CDK14: variants seen among roughly 807,000 people sequenced by gnomAD.
CDK14 encodes the protein cyclin dependent kinase 14.
A neutral mutation model predicts 60.7 loss-of-function variants in CDK14; 34 were observed. The observed-to-expected ratio is 0.56, with a 90% CI of 0.43 to 0.75. The LOEUF is 0.75. Among genes scored for constraint, CDK14 ranks in the 30% least tolerant of loss-of-function variants. CDK14 has a pLI of 0.00. For synonymous variants in CDK14, 197 were observed against 203.7 expected, an observed-to-expected ratio of 0.97 and a Z score of 0.28; for missense variants, 482 against 564.1, an observed-to-expected ratio of 0.85 and a Z score of 1.47.
chr7:91,070,422 G>A (rs570107219), intron 11 of CDK14, among the ~76,000 whole-genome samples: 2 of 152,126 alleles, frequency 1.3e-5, no homozygotes, highest in Non-Finnish European at 2.9e-5. Flanking sequence ...AGAATCCTTA[G>A]CACATATTAG....
chr7:90,808,466 G>A (rs935338006), intron 5 of CDK14, among the ~76,000 whole-genome samples: 2 of 152,156 alleles, frequency 1.3e-5, no homozygotes, highest in African/African-American at 2.4e-5. Context: ...CCTGAAGGAA[G>A]CACTAAACAT....
In CDK14 at chr7:90,827,610, A is replaced by G. The variant is rs539945090; in HGVS notation, c.545-35565A>G. Among the ~76,000 whole-genome samples, 11 of 152,328 alleles carry G rather than the reference A, an allele frequency of 7.2e-5. 2 individuals carry two copies. The highest frequency in any genetic ancestry group is 1.2e-4 in the African/African-American group (5 of 41,582). ...AAGTATGGGTCCTGCAGAAACGCCA[A>G]CCTGTCTTCTGCCAGTGGGTAAATG... On this transcript the variant is annotated intron_variant, in intron 5 of 14. Coordinates refer to ENST00000380050, the MANE Select transcript of CDK14 (RefSeq NM_001287135.2).
At chr7:90,688,705 C>A (rs1801492369) in intron 2 of CDK14, among the ~76,000 whole-genome samples, 1 of 152,062 alleles carries the variant, frequency 6.6e-6, no homozygotes, top group Non-Finnish European at 1.5e-5. Context: ...TACTTAGTGA[C>A]CTAGTGGGAG....
At chr7:90,941,489 G>C (rs1037170771) in intron 8 of CDK14, among the ~76,000 whole-genome samples, 6 of 152,134 alleles carry the variant, frequency 3.9e-5, no homozygotes, top group Non-Finnish European at 7.3e-5. Flanking sequence ...TCCTGCAGGA[G>C]AGCAAGACAG....
In CDK14 at chr7:91,062,135, T is replaced by A. The variant is rs112084303; in HGVS notation, c.1105+16175T>A. Among the ~76,000 whole-genome samples the A allele has an allele frequency of 8.1e-3, 1,233 of 152,188 alleles. 19 individuals carry two copies. Among genetic ancestry groups the A allele is most frequent in the African/African-American group, 0.027 (1,137 of 41,542 alleles). ...TCCCCCAGCCTCGCTGCCACCTTGC[T>A]GTTTGATTTCAGACTGCTGTGCTAG... On this transcript the variant is annotated intron_variant, in intron 11 of 14. Coordinates refer to ENST00000380050, the MANE Select transcript of CDK14 (RefSeq NM_001287135.2).
intron 12 of CDK14, among the ~76,000 whole-genome samples, chr7:91,101,429 G>A (rs1389281633): frequency 1.3e-5 from 2 of 152,154 alleles, no homozygotes; most frequent in Non-Finnish European, 2.9e-5. Context: ...TGACCATTAT[G>A]GGAATGAGTG....
At chr7:90,702,690 G>A (rs965423629) in intron 2 of CDK14, among the ~76,000 whole-genome samples, 2 of 151,782 alleles carry the variant, frequency 1.3e-5, no homozygotes, top group Admixed American at 1.3e-4. Context: ...TTTCCCAAGG[G>A]CCTGCTTCCT....
chr7:90,804,154 C>T (rs756098745), intron 5 of CDK14, among the ~76,000 whole-genome samples: 15 of 152,302 alleles, frequency 9.8e-5, no homozygotes, highest in Non-Finnish European at 1.8e-4. Flanking sequence ...GCTCCATAAG[C>T]GAGGAGCTGG....
intron 11 of CDK14, among the ~76,000 whole-genome samples, chr7:91,067,740 C>T (rs1798021272): frequency 6.6e-6 from 1 of 152,166 alleles, no homozygotes; most frequent in Non-Finnish European, 1.5e-5. Flanking sequence ...CTCTTTTGTG[C>T]ACAGCTAAAA....
intron 5 of CDK14, among the ~76,000 whole-genome samples, chr7:90,806,680 C>G (rs1241831430): frequency 1.3e-5 from 2 of 152,204 alleles, no homozygotes; most frequent in African/African-American, 2.4e-5. Flanking sequence ...ATCGCCTCAC[C>G]TGGGAAGCAC....
At chr7:90,724,879 A>C (rs1316828871) in intron 2 of CDK14, among the ~76,000 whole-genome samples, 1 of 152,054 alleles carries the variant, frequency 6.6e-6, no homozygotes, top group East Asian at 1.9e-4. Flanking sequence ...CATGTCCTTA[A>C]GAAGAGCACA....
chr7:91,143,595 C>G (rs1424719501), intron 14 of CDK14, among the ~76,000 whole-genome samples: 2 of 152,004 alleles, frequency 1.3e-5, no homozygotes, highest in African/African-American at 2.4e-5. Flanking sequence ...GTAGTGCTCA[C>G]CTGTAGTCCC....
Position 91,118,177 on chromosome 7 carries a change from C to A in CDK14, c.1407C>A (p.His469Gln), listed in dbSNP as rs779484753. 28 of 1,597,984 alleles carry A rather than the reference C, an allele frequency of 1.8e-5. No individual in the cohort carries two copies. Among genetic ancestry groups the A allele is most frequent in the Non-Finnish European group, 2.1e-5 (25 of 1,165,918 alleles). Residue 469 changes from histidine to glutamine, a missense_variant, in exon 14 of 15, where the codon CAC (histidine) becomes CAA (glutamine). His to Gln is a conservative substitution (Grantham distance 24). Transcript: ENST00000380050. ...GCAAAAGTCTATCAAACAGCAAGCA[C>A]TGACAAGCAGCACATTCTCAAGAGC... is the stretch of plus-strand genomic sequence containing the variant. ...SYGKSLSNSKH is the reference protein window; with the variant it reads ...SYGKSLSNSKQ
intron 8 of CDK14, among the ~76,000 whole-genome samples, chr7:90,941,953 A>AGTT (rs1793950064): frequency 6.6e-6 from 1 of 152,196 alleles, no homozygotes; most frequent in African/African-American, 2.4e-5. Context: ...CATCTGCCCA[A>AGTT]GGGCAAAGCT....
chr7:90,832,238 C>G (rs1488440296), intron 5 of CDK14, among the ~76,000 whole-genome samples: 3 of 152,120 alleles, frequency 2.0e-5, no homozygotes, highest in Non-Finnish European at 4.4e-5. Context: ...ACTCCAGCAC[C>G]TAGAATAATT....
chr7:91,059,735 T>G (rs1170759994), intron 11 of CDK14, among the ~76,000 whole-genome samples: 2 of 152,242 alleles, frequency 1.3e-5, no homozygotes, highest in Non-Finnish European at 2.9e-5. Flanking sequence ...TTCTGAATCC[T>G]GAGTTCTAGT....
intron 9 of CDK14, among the ~76,000 whole-genome samples, chr7:90,965,665 A>T (rs537266308): frequency 3.9e-5 from 6 of 152,282 alleles, no homozygotes; most frequent in African/African-American, 1.4e-4. Context: ...TTCCTCCTTT[A>T]GGTGCATTAG....
In CDK14 at chr7:90,993,548, A is replaced by G. The variant is rs113890111; in HGVS notation, c.1041+9307A>G. Among the ~76,000 whole-genome samples, 339 of 152,166 alleles carry G rather than the reference A, an allele frequency of 2.2e-3. 1 individual carries two copies. The highest frequency in any genetic ancestry group is 7.6e-3 in the African/African-American group (315 of 41,522). On this transcript the variant is annotated intron_variant, in intron 10 of 14. Coordinates refer to ENST00000380050, the MANE Select transcript of CDK14 (RefSeq NM_001287135.2). ...GGGAAGGAAGGAGGGGGACATTTCA[A>G]TAAATGTTTTAGAGGAGAGAGAAGA...
intron 14 of CDK14, among the ~76,000 whole-genome samples, chr7:91,130,149 C>G (rs368364662): frequency 6.6e-6 from 1 of 152,014 alleles, no homozygotes; most frequent in African/African-American, 2.4e-5. Context: ...ATATTTTTGT[C>G]ATTTGCTTCA....
Sources: gnomAD v4.1 joint callset for allele counts (sites outside exome capture counted in the v4.1 genomes callset) on GRCh38, gnomAD v4.1.1 for gene constraint, MANE v1.5 for transcripts, NCBI Gene and HGNC (gene_info 2026-07-23, HGNC 2026-07-21) for gene names.